The following SNAI3 variants were observed in gnomAD, a reference collection of about 807,000 sequenced individuals.
SNAI3 encodes the protein snail family transcriptional repressor 3, also known as zinc finger protein SNAI3.
Under a neutral mutation model 16.4 loss-of-function variants are expected in SNAI3, and 21 were observed. The observed-to-expected ratio is 1.28, with a 90% CI of 0.91 to 1.85. The LOEUF (loss-of-function observed/expected upper bound fraction) is 1.85. Ranked by LOEUF, SNAI3 falls within the 40% of genes most tolerant of loss-of-function variation. SNAI3 has a pLI of 0.00. For missense variants in SNAI3, 457 were observed against 372.8 expected, an observed-to-expected ratio of 1.23 and a Z score of -1.86; for synonymous variants, 202 against 166.6, an observed-to-expected ratio of 1.21 and a Z score of -1.64.
At chr16:88,679,219 C>A (rs550934269) in intron 2 of SNAI3, 2 of 556,166 alleles carry the variant, frequency 3.6e-6, no homozygotes, top group Admixed American at 6.3e-5. Flanking sequence ...TGCTCCTGGC[C>A]AGGCCAGCCT....
chr16:88,683,724 T>G (rs1464229039), intron 1 of SNAI3, among the ~76,000 whole-genome samples: 1 of 152,114 alleles, frequency 6.6e-6, no homozygotes, highest in Non-Finnish European at 1.5e-5. Flanking sequence ...GCCCAGCTAA[T>G]TTTTGTATGT....
chr16:88,679,620 G>C (rs887043933), intron 2 of SNAI3, among the ~76,000 whole-genome samples: 1 of 151,824 alleles, frequency 6.6e-6, no homozygotes, highest in African/African-American at 2.4e-5. Context: ...AAATCAGCTG[G>C]GCGTGGTGGC....
intron 1 of SNAI3, chr16:88,685,731 G>C (rs1284980435): frequency 6.5e-6 from 1 of 152,696 alleles, no homozygotes; most frequent in East Asian, 1.9e-4. Context: ...GCCTGCCGGG[G>C]TGAGCAGGAG....
intron 1 of SNAI3, among the ~76,000 whole-genome samples, chr16:88,683,847 C>G (rs1257022418): frequency 6.6e-6 from 1 of 152,134 alleles, no homozygotes; most frequent in Non-Finnish European, 1.5e-5. Flanking sequence ...TGAGCCACTG[C>G]GCCCGGCCTG....
rs751680344 is a variant in SNAI3, at chr16:88,681,845, T to G, written c.77-131A>C. On this transcript the variant is annotated intron_variant, in intron 1 of 2. Transcript: ENST00000332281. This position sits in a 1 kb window ranked among gnomAD's most constrained non-coding sequence, Gnocchi z 5.4. ...GGCGTGGGAGGTGTAGCCGGGAACCTGCATGCAGACCCAGCTTGCAAGGGA... is the reference window on the plus strand; with the variant it reads ...GGCGTGGGAGGTGTAGCCGGGAACCGGCATGCAGACCCAGCTTGCAAGGGA... The G allele has an allele frequency of 1.9e-6, 2 of 1,072,298 alleles. No homozygotes were observed. The highest frequency in any genetic ancestry group is 2.4e-6 in the Non-Finnish European group (2 of 830,064). The allele number at this position is 1,072,298 out of a possible 1,614,324, so 66.4% of individuals were successfully genotyped here. A position where few individuals can be genotyped will look rare whatever the true frequency, so the allele number is the denominator to read the frequency against.
intron 2 of SNAI3, 144 bp from the exon 3 acceptor site, chr16:88,678,773 G>T: frequency 1.4e-6 from 2 of 1,432,330 alleles, no homozygotes; most frequent in South Asian, 3.0e-5. Flanking sequence ...GTGTGGGGAC[G>T]GGGTGGCACG....
intron 2 of SNAI3, among the ~76,000 whole-genome samples, chr16:88,679,783 G>GAAAA (rs1291402457): frequency 4.4e-5 from 5 of 114,516 alleles, no homozygotes; most frequent in African/African-American, 9.7e-5. Flanking sequence ...AAAAAAAAAA[G>GAAAA]AAAAAGTGTG....
chr16:88,680,989 C>T (rs1372338718), intron 2 of SNAI3, 105 bp downstream of exon 2: 2 of 1,448,374 alleles, frequency 1.4e-6, no homozygotes, highest in East Asian at 2.3e-5. Flanking sequence ...AATGTGAATG[C>T]CCATGCTATT....
chr16:88,686,415 C>G lies in SNAI3; in HGVS notation c.-9G>C, dbSNP rs946387705. The G allele has an allele frequency of 5.0e-6, 8 of 1,609,360 alleles. No homozygotes were observed. Among genetic ancestry groups the G allele is most frequent in the Non-Finnish European group, 6.8e-6 (8 of 1,179,156 alleles). On this transcript the variant is annotated 5_prime_UTR_variant, in exon 1 of 3. Transcript: ENST00000332281. ...AGGAAGGAGCGCGGCATGTTCCCCT[C>G]CCGGGCGGCAGGCCGGGGTGGGCTG...
At chr16:88,683,553 CTTTTTTTTTTTT>C (rs35529850) in intron 1 of SNAI3, among the ~76,000 whole-genome samples, 11 of 112,390 alleles carry the variant, frequency 9.8e-5, no homozygotes, top group African/African-American at 2.2e-4. Context: ...TGCGCCTGGC[CTTTTTTTTTTTT>C]TTTTTTTTTG....
At position 88,684,972 on chromosome 16, in the gene SNAI3, T is replaced by C. The variant is rs554926912; in HGVS notation, c.76+1359A>G. On this transcript the variant is annotated intron_variant, in intron 1 of 2. Transcript: ENST00000332281. ...TGTCAGAAAGCCAGGCAGCTGGGGC[T>C]ACAGTGAGGAGGGGAGCGGGGGCGG... Among the ~76,000 whole-genome samples the C allele has an allele frequency of 8.5e-5, 13 of 152,226 alleles. No homozygotes were observed. In the East Asian group the frequency reaches 2.3e-3, roughly 27 times the overall value.
chr16:88,686,244 C>G (rs1909354317), intron 1 of SNAI3, 87 bp downstream of exon 1: 8 of 1,495,422 alleles, frequency 5.3e-6, no homozygotes, highest in Non-Finnish European at 7.2e-6. Flanking sequence ...AGGTGTCTCC[C>G]CAGCCCCCGC....
Position 88,686,402 on chromosome 16 carries a change from G to C in SNAI3, c.5C>G (p.Pro2Arg). The change falls in exon 1 of 3, where the codon CCG (proline) becomes CGG (arginine). Residue 2 changes from proline (P) to arginine (R), a missense_variant. Transcript: ENST00000332281. ...GTGCGTTTTCACCAGGAAGGAGCGC[G>C]GCATGTTCCCCTCCCGGGCGGCAGG... M[P>R]RSFLVKTHSS... 6.2e-7 allele frequency: 1 copy of C among 1,610,956 alleles called. No homozygotes were observed. The highest frequency in any genetic ancestry group is 8.5e-7 in the Non-Finnish European group (1 of 1,179,524).
At chr16:88,680,359 C>T (rs1010681314) in intron 2 of SNAI3, among the ~76,000 whole-genome samples, 3 of 135,332 alleles carry the variant, frequency 2.2e-5, no homozygotes, top group African/African-American at 8.3e-5. Context: ...AATCTTGGCT[C>T]ACCGCAACCT....
chr16:88,682,761 G>GTTTTTTTTTTTTT, intron 1 of SNAI3, among the ~76,000 whole-genome samples: 2 of 81,862 alleles, frequency 2.4e-5, no homozygotes, highest in East Asian at 3.2e-4. Flanking sequence ...ATGGGCAAGG[G>GTTTTTTTTTTTTT]ATTTTTTTTT....
rs1909355690 is a variant in SNAI3 at position 88,686,267 on chromosome 16, C to G, written c.76+64G>C. 4 of 1,565,266 alleles carry G rather than the reference C, an allele frequency of 2.6e-6. No individual in the cohort carries two copies. In the East Asian group the frequency reaches 7.1e-5, roughly 28 times the overall value. On this transcript the variant is annotated intron_variant, in intron 1 of 2. Coordinates refer to ENST00000332281, the MANE Select transcript of SNAI3 (RefSeq NM_178310.4). ...CCCCAGCCCCCGCTCCCAGGGGCCT[C>G]TCTCTCTCTCCCGCCCCTCAGGGTC... is the stretch of plus-strand genomic sequence containing the variant.
rs746319858 is a variant in SNAI3 at position 88,681,505 on chromosome 16, G to T, written c.286C>A (p.Arg96=). 11 of 1,544,958 alleles carry T rather than the reference G, an allele frequency of 7.1e-6. No individual in the cohort carries two copies. The highest frequency in any genetic ancestry group is 2.5e-5 in the South Asian group (2 of 81,620). The change falls in exon 2 of 3, where the codon CGG becomes AGG. Residue 96 remains arginine, a synonymous_variant. Transcript: ENST00000332281. This position sits in a 1 kb window ranked among gnomAD's most constrained non-coding sequence, Gnocchi z 5.4. The stretch of plus-strand genomic sequence containing the variant: ...GGTACAATGGCGGCCCGGCTGGCCC[G>T]AGGGTCGACCTCGCTGACTTCCAAG... ...DALEVSEVDP[R]ASRAAIVPLK...
intron 2 of SNAI3, 145 bp downstream of exon 2, chr16:88,680,949 T>C: frequency 3.2e-6 from 4 of 1,247,706 alleles, no homozygotes; most frequent in Non-Finnish European, 4.3e-6. Flanking sequence ...CTGTGGGACT[T>C]TGTACAGATA....
chr16:88,685,943 C>CCCA, intron 1 of SNAI3: 1 of 166,702 alleles, frequency 6.0e-6, no homozygotes, highest in Non-Finnish European at 1.3e-5. Flanking sequence ...TTCCCTCCCA[C>CCCA]CCACCACCCC....
Sources: gnomAD v4.1 joint callset for allele counts (sites outside exome capture counted in the v4.1 genomes callset) on GRCh38, gnomAD v4.1.1 for gene constraint, Gnocchi (gnomAD v3.1) non-coding constraint, MANE v1.5 for transcripts, NCBI Gene and HGNC (gene_info 2026-07-23, HGNC 2026-07-21) for gene names.